RAD51B: variants seen among roughly 807,000 people sequenced by gnomAD.
The protein encoded by RAD51B is DNA repair protein RAD51 homolog 2.
Under a neutral mutation model 42.2 loss-of-function variants are expected in RAD51B, and 38 were observed. That is an observed-to-expected ratio of 0.90 (90% CI 0.70 to 1.18). RAD51B has a LOEUF of 1.18. RAD51B is among the 50% of genes most tolerant of loss of function. The pLI is 0.00. For missense variants in RAD51B, 373 were observed against 400.7 expected, an observed-to-expected ratio of 0.93 and a Z score of 0.59; for synonymous variants, 154 against 145.2, an observed-to-expected ratio of 1.06 and a Z score of -0.43.
intron 10 of RAD51B, among the ~76,000 whole-genome samples, chr14:68,511,817 G>A (rs1885749014): frequency 6.6e-6 from 1 of 152,156 alleles, no homozygotes; most frequent in Non-Finnish European, 1.5e-5. Context: ...GGGAGTCCAG[G>A]ATTTGCTTGA....
At position 68,326,089 on chromosome 14, in the gene RAD51B, G is replaced by A. The variant is rs940112198; in HGVS notation, c.853+34109G>A. On this transcript the variant is annotated intron_variant, in intron 8 of 10. Transcript: ENST00000471583. ...GAGTTTCACGCTTGTTTCCCAGGCT[G>A]GAGTGCAATGGTGCAATCTCGGCTC... Among the ~76,000 whole-genome samples the A allele has an allele frequency of 2.2e-5, 3 of 136,514 alleles. No homozygotes were observed. In the Admixed American group the frequency reaches 2.4e-4, roughly 11 times the overall value. 89.6% of individuals were successfully genotyped at this position (136,514 alleles called of 152,430 possible).
Position 68,296,262 on chromosome 14 carries a change from G to T in RAD51B, c.853+4282G>T, listed in dbSNP as rs143272773. On this transcript the variant is annotated intron_variant, in intron 8 of 10. Transcript: ENST00000471583. ...ATCCACTCTGTCATTCAACAGAAGA[G>T]ATAGGGACAGAAATAAGGATTTTTT... is the stretch of plus-strand genomic sequence containing the variant. Among the ~76,000 whole-genome samples the T allele has an allele frequency of 7.8e-4, 119 of 152,244 alleles. 1 individual carries two copies. The highest frequency in any genetic ancestry group is 3.4e-3 in the Middle Eastern group (1 of 292).
chr14:67,874,673 T>C (rs1352736796), intron 5 of RAD51B, among the ~76,000 whole-genome samples: 1 of 151,910 alleles, frequency 6.6e-6, no homozygotes, highest in Non-Finnish European at 1.5e-5. Flanking sequence ...TTTTTGTTGT[T>C]TTTTTTTAAC....
At chr14:68,168,492 G>C (rs1401819014) in intron 7 of RAD51B, among the ~76,000 whole-genome samples, 5 of 152,108 alleles carry the variant, frequency 3.3e-5, no homozygotes, top group Non-Finnish European at 7.4e-5. Flanking sequence ...AATGTAGCAT[G>C]ATTACACAAG....
chr14:68,552,235 A>G (rs1341930585), intron 10 of RAD51B, among the ~76,000 whole-genome samples: 1 of 152,026 alleles, frequency 6.6e-6, no homozygotes, highest in Non-Finnish European at 1.5e-5. Flanking sequence ...GGAGCATTAG[A>G]GTTTGCGTCT....
At chr14:68,679,662 G>T (rs1395096310) in intron 11 of RAD51B, among the ~76,000 whole-genome samples, 1 of 152,208 alleles carries the variant, frequency 6.6e-6, no homozygotes, top group Non-Finnish European at 1.5e-5. Context: ...AACCTTGTTG[G>T]TATCCAGTTC....
At chr14:67,887,445 A>T in intron 7 of RAD51B, 1 of 338,662 alleles carries the variant, frequency 3.0e-6, no homozygotes, top group Non-Finnish European at 5.4e-6. Flanking sequence ...CGATGTTTTT[A>T]AAAGTTCCTA....
chr14:68,435,835 G>C (rs761557669), intron 9 of RAD51B, among the ~76,000 whole-genome samples: 51 of 152,204 alleles, frequency 3.4e-4, no homozygotes, highest in Middle Eastern at 3.4e-3. Flanking sequence ...TTTGGGAACT[G>C]TCTGTTCATG....
At chr14:68,159,575 G>A (rs113486563) in intron 7 of RAD51B, among the ~76,000 whole-genome samples, 2,147 of 148,012 alleles carry the variant, frequency 0.015, 50 homozygotes, top group African/African-American at 0.05. Context: ...AGCTGAGATC[G>A]CACCACTGTG....
intron 7 of RAD51B, among the ~76,000 whole-genome samples, chr14:68,257,743 A>T (rs1302822903): frequency 6.6e-6 from 1 of 152,040 alleles, no homozygotes; most frequent in Non-Finnish European, 1.5e-5. Flanking sequence ...TTATATAAAT[A>T]TGTTAGGTTT....
At chr14:68,384,438 T>C (rs1213855555) in intron 8 of RAD51B, among the ~76,000 whole-genome samples, 1 of 152,162 alleles carries the variant, frequency 6.6e-6, no homozygotes, top group African/African-American at 2.4e-5. Flanking sequence ...CAATGACCAT[T>C]GGAAAAGAAG....
chr14:67,906,700 T>C (rs2043791308), intron 7 of RAD51B, among the ~76,000 whole-genome samples: 1 of 152,134 alleles, frequency 6.6e-6, no homozygotes, highest in African/African-American at 2.4e-5. Flanking sequence ...TGTAATAATC[T>C]CTGAGGGTTT....
At chr14:68,385,534 T>G (rs1395417452) in intron 8 of RAD51B, among the ~76,000 whole-genome samples, 1 of 152,156 alleles carries the variant, frequency 6.6e-6, no homozygotes, top group African/African-American at 2.4e-5. Context: ...GAGGCCTAAT[T>G]TGTCCCCCAA....
chr14:68,390,672 A>G (rs565836760), intron 8 of RAD51B, among the ~76,000 whole-genome samples: 4 of 152,328 alleles, frequency 2.6e-5, no homozygotes, highest in Non-Finnish European at 5.9e-5. Flanking sequence ...CAATAGTAGG[A>G]TATTTAAGAG....
intron 10 of RAD51B, among the ~76,000 whole-genome samples, chr14:68,628,847 C>T (rs909449947): frequency 2.6e-5 from 4 of 152,174 alleles, no homozygotes; most frequent in African/African-American, 9.6e-5. Flanking sequence ...CCCAGCCTCC[C>T]CCGACCGCAC....
intron 10 of RAD51B, among the ~76,000 whole-genome samples, chr14:68,640,308 C>G (rs761204252): frequency 5.9e-5 from 9 of 152,162 alleles, no homozygotes; most frequent in Non-Finnish European, 1.2e-4. Flanking sequence ...CCAGGAATAA[C>G]CATGTCAACC....
At chr14:68,245,513 C>T (rs759392108) in intron 7 of RAD51B, among the ~76,000 whole-genome samples, 3 of 152,188 alleles carry the variant, frequency 2.0e-5, no homozygotes, top group Non-Finnish European at 4.4e-5. Context: ...GAGAGGCCTG[C>T]CTCAAATATT....
chr14:68,111,108 G>A (rs929980917), intron 7 of RAD51B, among the ~76,000 whole-genome samples: 1 of 152,002 alleles, frequency 6.6e-6, no homozygotes, highest in Non-Finnish European at 1.5e-5. Flanking sequence ...TTTTTGCATT[G>A]TAGGGGGTGG....
intron 7 of RAD51B, among the ~76,000 whole-genome samples, chr14:67,941,716 A>ATAT (rs1256671132): frequency 1.3e-5 from 2 of 152,222 alleles, no homozygotes; most frequent in African/African-American, 4.8e-5. Flanking sequence ...ATAGAGATAT[A>ATAT]GCACAGTACC....
Sources: gnomAD v4.1 joint callset for allele counts (sites outside exome capture counted in the v4.1 genomes callset) on GRCh38, gnomAD v4.1.1 for gene constraint, MANE v1.5 for transcripts, NCBI Gene and HGNC (gene_info 2026-07-23, HGNC 2026-07-21) for gene names.